The following GATA6 variants were observed in gnomAD, a reference collection of about 807,000 sequenced individuals.
GATA6 encodes transcription factor GATA-6.
Under a neutral mutation model 48.1 loss-of-function variants are expected in GATA6, and 11 were observed. That is an observed-to-expected ratio of 0.23 (90% CI 0.14 to 0.38). GATA6 has a LOEUF of 0.38. GATA6 is among the 10% of genes least tolerant of loss of function. GATA6 has a pLI of 1.00. For missense variants in GATA6, 795 were observed against 850.3 expected (o/e 0.93, Z 0.81); for synonymous variants, 419 against 396.1 (o/e 1.06, Z -0.69).
chr18:22,197,192 C>T (rs1392945119), intron 6 of GATA6, among the ~76,000 whole-genome samples: 2 of 150,286 alleles, frequency 1.3e-5, no homozygotes, highest in Non-Finnish European at 2.9e-5. Flanking sequence ...GCTGGGATTA[C>T]AAGCATGCTC....
At position 22,177,016 on chromosome 18, in the gene GATA6, G is replaced by A. The variant is rs1282504754; in HGVS notation, c.1197G>A (p.Pro399=). 3 of 1,577,328 alleles carry A rather than the reference G, an allele frequency of 1.9e-6. No individual in the cohort carries two copies. Among genetic ancestry groups the A allele is most frequent in the Non-Finnish European group, 1.7e-6 (2 of 1,163,742 alleles). Residue 399 remains proline (P), a synonymous_variant, in exon 3 of 7, where the codon CCG becomes CCA. Coordinates refer to ENST00000269216, the MANE Select transcript of GATA6 (RefSeq NM_005257.6). ...ECVNCGSIQT[P]LWRRDGTGHY... Reference sequence around the variant, plus strand: ...TGAACTGCGGCTCCATCCAGACGCCGCTGTGGCGGCGGGACGGCACCGGCC... The same window carrying A: ...TGAACTGCGGCTCCATCCAGACGCCACTGTGGCGGCGGGACGGCACCGGCC...
In GATA6 at chr18:22,187,495, AT is replaced by A. The variant is rs1555629866; in HGVS notation, c.1620+4460del. ...AACTCTGTCTCAGAAAAAAAAAAAAATTTTTTTTCTTTGGCTTTTATTCTCT... is the reference window on the plus strand; with the variant it reads ...AACTCTGTCTCAGAAAAAAAAAAAAATTTTTTTCTTTGGCTTTTATTCTCT... On this transcript the variant is annotated intron_variant, in intron 6 of 6. Transcript: ENST00000269216. Among the ~76,000 whole-genome samples the A allele has an allele frequency of 1.9e-4, 28 of 145,536 alleles. No homozygotes were observed. The East Asian group carries it at 2.5e-3, about 13-fold the overall frequency.
chr18:22,170,834 G>A lies in GATA6; in HGVS notation c.-37-274G>A. ...AGGATGCGGCCGAGGGGGTGGGCGG[G>A]GAGGACGCGGGGACCGGAGCGGTGC... On this transcript the variant is annotated intron_variant, in intron 1 of 6. Coordinates refer to ENST00000269216, the MANE Select transcript of GATA6 (RefSeq NM_005257.6). The surrounding 1 kb of genome is among the most constrained non-coding windows in gnomAD (Gnocchi z 6.7). The A allele has an allele frequency of 2.1e-6, 1 of 481,646 alleles. No individual in the cohort carries two copies. The highest frequency in any genetic ancestry group is 3.7e-6 in the Non-Finnish European group (1 of 268,796). The allele number at this position is 481,646 out of a possible 1,614,324, so 29.8% of individuals were successfully genotyped here. A position where few individuals can be genotyped will look rare whatever the true frequency, so the allele number is the denominator to read the frequency against.
intron 6 of GATA6, among the ~76,000 whole-genome samples, chr18:22,200,204 C>T (rs1045762751): frequency 2.2e-5 from 3 of 138,442 alleles, no homozygotes; most frequent in Admixed American, 7.0e-5. Context: ...TGTGTGTGCG[C>T]GCGCACGCAT....
Position 22,172,483 on chromosome 18 carries a change from T to C in GATA6, c.1135+204T>C, listed in dbSNP as rs1315195854. Among the ~76,000 whole-genome samples, 1 of 152,212 alleles carries C rather than the reference T, an allele frequency of 6.6e-6. No individual in the cohort carries two copies. Among genetic ancestry groups the C allele is most frequent in the Non-Finnish European group, 1.5e-5 (1 of 68,044 alleles). On this transcript the variant is annotated intron_variant, in intron 2 of 6. Coordinates refer to ENST00000269216, the MANE Select transcript of GATA6 (RefSeq NM_005257.6). This position sits in a 1 kb window ranked among gnomAD's most constrained non-coding sequence, Gnocchi z 5.2. Reference sequence around the variant, plus strand: ...GCGCTGAGGCGAGTTGTGCCAAGACTTGAGTCTGTTGTGCCAAGTTCCTTT... The same window carrying C: ...GCGCTGAGGCGAGTTGTGCCAAGACCTGAGTCTGTTGTGCCAAGTTCCTTT...
chr18:22,191,010 C>CTT (rs766238113), intron 6 of GATA6, among the ~76,000 whole-genome samples: 1 of 115,022 alleles, frequency 8.7e-6, no homozygotes, highest in Non-Finnish European at 1.9e-5. Context: ...TCTAGACTTC[C>CTT]TTTTTTTTTT....
chr18:22,182,474 T>C (rs528819214), intron 4 of GATA6, among the ~76,000 whole-genome samples: 13 of 152,032 alleles, frequency 8.6e-5, no homozygotes, highest in Middle Eastern at 3.4e-3. Flanking sequence ...TCTCCTGCCT[T>C]AGCCTCCCAA....
intron 4 of GATA6, 22 bp downstream of exon 4, chr18:22,181,600 C>T (rs757309596): frequency 3.7e-6 from 6 of 1,613,500 alleles, no homozygotes; most frequent in Non-Finnish European, 5.1e-6. Context: ...ATTCTGCTCA[C>T]TTGTATATAC....
In GATA6 at chr18:22,171,174, G is replaced by A; in HGVS notation, c.30G>A (p.Leu10=). 2 of 1,599,944 alleles carry A rather than the reference G, an allele frequency of 1.3e-6. No homozygotes were observed. The highest frequency in any genetic ancestry group is 1.7e-6 in the Non-Finnish European group (2 of 1,179,548). The change falls in exon 2 of 7, where the codon TTG becomes TTA. Residue 10 remains leucine, a synonymous_variant. Transcript: ENST00000269216. This position sits in a 1 kb window ranked among gnomAD's most constrained non-coding sequence, Gnocchi z 7.1. ...CCTTGACTGACGGCGGCTGGTGCTTGCCGAAGCGCTTCGGGGCCGCGGGTG... is the reference window on the plus strand; with the variant it reads ...CCTTGACTGACGGCGGCTGGTGCTTACCGAAGCGCTTCGGGGCCGCGGGTG... MALTDGGWC[L]PKRFGAAGAD... is the part of the protein sequence containing the mutation.
intron 6 of GATA6, among the ~76,000 whole-genome samples, chr18:22,183,617 G>A (rs1205534773): frequency 7.2e-5 from 11 of 152,164 alleles, no homozygotes; most frequent in Admixed American, 7.2e-4. Context: ...TAATTGTACT[G>A]GCGTTTATTT....
intron 1 of GATA6, 68 bp downstream of exon 1, chr18:22,169,750 C>G (rs2033005028): frequency 6.6e-6 from 1 of 152,294 alleles, no homozygotes; most frequent in Admixed American, 6.5e-5. Flanking sequence ...GTCGCGGGCC[C>G]CTGGCCTCCG....
At position 22,200,827 on chromosome 18, in the gene GATA6, C is replaced by T; in HGVS notation, c.*4C>T. ...GTGCGCCCTGGCCCTGGCCTGAGCC[C>T]ACGCCGCCAGGAGGCAGGGAGGGCT... On this transcript the variant is annotated 3_prime_UTR_variant, in exon 7 of 7. Coordinates refer to ENST00000269216, the MANE Select transcript of GATA6 (RefSeq NM_005257.6). 1 of 1,606,456 alleles carries T rather than the reference C, an allele frequency of 6.2e-7. No individual in the cohort carries two copies. The highest frequency in any genetic ancestry group is 8.5e-7 in the Non-Finnish European group (1 of 1,176,442).
Position 22,171,214 on chromosome 18 carries a change from T to C in GATA6, c.70T>C (p.Ser24Pro). 1.3e-6 allele frequency: 2 copies of C among 1,599,828 alleles called. No individual in the cohort carries two copies. Among genetic ancestry groups the C allele is most frequent in the Non-Finnish European group, 1.7e-6 (2 of 1,179,492 alleles). The change falls in exon 2 of 7, where the codon TCC becomes CCC. Residue 24 changes from serine (S) to proline (P), a missense_variant. Around this residue, in one of 5 missense-constraint regions of GATA6, gnomAD observed 591 missense variants for 570.0 expected, o/e 1.04. Transcript: ENST00000269216. The surrounding 1 kb of genome is among the most constrained non-coding windows in gnomAD (Gnocchi z 7.1). ...FGAAGADASD[S>P]RAFPAREPST... ...GGCCGCGGGTGCGGACGCCAGCGAC[T>C]CCAGAGCCTTTCCAGCGCGGGAGCC...
intron 2 of GATA6, among the ~76,000 whole-genome samples, chr18:22,173,921 C>T (rs559597815): frequency 2.6e-5 from 4 of 152,372 alleles, no homozygotes; most frequent in Admixed American, 6.5e-5. Flanking sequence ...AGGCGTGAGC[C>T]ACCGCGCCCA....
At chr18:22,180,593 C>T (rs1490596253) in intron 3 of GATA6, among the ~76,000 whole-genome samples, 3 of 151,730 alleles carry the variant, frequency 2.0e-5, no homozygotes, top group Admixed American at 6.6e-5. Flanking sequence ...AAAATTTGCT[C>T]GTATCCTTTG....
chr18:22,185,145 A>G lies in GATA6; in HGVS notation c.1620+2102A>G, dbSNP rs570054184. Among the ~76,000 whole-genome samples, 109 of 152,330 alleles carry G rather than the reference A, an allele frequency of 7.2e-4. No individual in the cohort carries two copies. Among genetic ancestry groups the G allele is most frequent in the Admixed American group, 7.2e-4 (11 of 15,308 alleles). ...CAGCGAAAGGAGTGAAAAGCCAGTG[A>G]AAAGGGCCATGGTCTGGCTAGAAGA... On this transcript the variant is annotated intron_variant, in intron 6 of 6. Transcript: ENST00000269216. This position sits in a 1 kb window ranked among gnomAD's most constrained non-coding sequence, Gnocchi z 4.3.
chr18:22,183,238 T>A (rs147209920), intron 6 of GATA6, among the ~76,000 whole-genome samples, 195 bp downstream of exon 6: 1 of 152,344 alleles, frequency 6.6e-6, no homozygotes, highest in East Asian at 1.9e-4. Context: ...TTTACAAACC[T>A]CTTAATTAAG....
At chr18:22,181,616 G>T in intron 4 of GATA6, 38 bp downstream of exon 4, 1 of 1,612,172 alleles carries the variant, frequency 6.2e-7, no homozygotes. Context: ...TATACATTTA[G>T]TATCTGGTTT....
Position 22,171,318 on chromosome 18 carries a change from C to G in GATA6, c.174C>G (p.Ser58Arg), listed in dbSNP as rs767886137. 5.7e-6 allele frequency: 9 copies of G among 1,588,590 alleles called. No homozygotes were observed. The highest frequency in any genetic ancestry group is 7.7e-6 in the Non-Finnish European group (9 of 1,174,220). Residue 58 changes from serine to arginine, a missense_variant, in exon 2 of 7, where the codon AGC (serine) becomes AGG (arginine). Physicochemically the swap from Ser to Arg is moderately radical, Grantham distance 110. This residue lies in a region of GATA6 where 591 missense variants were observed against 570.0 expected (regional missense o/e 1.04). Transcript: ENST00000269216. The surrounding 1 kb of genome is among the most constrained non-coding windows in gnomAD (Gnocchi z 7.1). ...GAGAGCGGGGCCCCGGCGGCGCCAG[C>G]AACTGCGGGACGCCTCAGCTCGACA... is the stretch of plus-strand genomic sequence containing the variant. ...RGGERGPGGA[S>R]NCGTPQLDTE...
Sources: gnomAD v4.1 joint callset for allele counts (sites outside exome capture counted in the v4.1 genomes callset) on GRCh38, gnomAD v4.1.1 for gene constraint, gnomAD v4.1.1 regional missense constraint, Gnocchi (gnomAD v3.1) non-coding constraint, MANE v1.5 for transcripts, NCBI Gene and HGNC (gene_info 2026-07-23, HGNC 2026-07-21) for gene names.